APP: variants seen among roughly 807,000 people sequenced by gnomAD.
APP encodes amyloid beta precursor protein, also known as amyloid-beta precursor protein.
In APP, 31 loss-of-function variants were observed where a neutral mutation model predicts 101.4. That is an observed-to-expected ratio of 0.31 (90% confidence interval 0.23 to 0.41). APP has a LOEUF of 0.41. APP is among the 10% of genes least tolerant of loss of function. APP has a pLI of 1.00. For missense variants in APP, 839 were observed against 1,003.7 expected (o/e 0.84, Z 2.22); for synonymous variants, 366 against 364.4 (o/e 1.00, Z -0.05).
chr21:26,145,459 A>C (rs953230788), intron 1 of APP, among the ~76,000 whole-genome samples: 2 of 152,116 alleles, frequency 1.3e-5, no homozygotes, highest in African/African-American at 4.8e-5. Context: ...CTCCTGTGAG[A>C]ATCTACTGCC....
At chr21:26,100,151 T>A (rs1324881093) in intron 2 of APP, among the ~76,000 whole-genome samples, 2 of 152,332 alleles carry the variant, frequency 1.3e-5, no homozygotes, top group Admixed American at 1.3e-4. Context: ...TAGCCTAGAT[T>A]TTCCTATTCT....
intron 1 of APP, among the ~76,000 whole-genome samples, chr21:26,160,178 A>G (rs2063462110): frequency 6.6e-6 from 1 of 152,048 alleles, no homozygotes; most frequent in African/African-American, 2.4e-5. Flanking sequence ...CCCCTCTCCT[A>G]TTTCACTGAA....
chr21:26,097,294 C>A (rs1174419441), intron 2 of APP, among the ~76,000 whole-genome samples: 3 of 152,146 alleles, frequency 2.0e-5, no homozygotes, highest in Non-Finnish European at 4.4e-5. Flanking sequence ...AATATATAAT[C>A]CTTGAAGGCA....
rs1358828168 is a variant in APP at position 25,954,642 on chromosome 21, G to C, written c.1635C>G (p.Leu545=). 1 of 1,614,162 alleles carries C rather than the reference G, an allele frequency of 6.2e-7. No homozygotes were observed. Among genetic ancestry groups the C allele is most frequent in the Non-Finnish European group, 8.5e-7 (1 of 1,180,018 alleles). The change falls in exon 13 of 18, where the codon CTC becomes CTG. Residue 545 remains leucine (L), a synonymous_variant. Transcript: ENST00000346798. ...CTGCAGGCACGTTGTAGAGCAGGGA[G>C]AGAGACTGATTCATGCGCTCATAAA... ...RVIYERMNQS[L]SLLYNVPAVA...
chr21:26,147,792 C>G (rs571005173), intron 1 of APP, among the ~76,000 whole-genome samples: 1 of 150,662 alleles, frequency 6.6e-6, no homozygotes, highest in East Asian at 2.0e-4. Context: ...TTACACACAC[C>G]GGGCTAATCA....
At chr21:26,108,176 A>G (rs2062226835) in intron 2 of APP, among the ~76,000 whole-genome samples, 1 of 152,206 alleles carries the variant, frequency 6.6e-6, no homozygotes, top group Admixed American at 6.5e-5. Flanking sequence ...TGCCTATGGA[A>G]CCTCAATTTC....
At chr21:26,153,326 A>G (rs943582805) in intron 1 of APP, among the ~76,000 whole-genome samples, 2 of 152,238 alleles carry the variant, frequency 1.3e-5, no homozygotes, top group African/African-American at 2.4e-5. Flanking sequence ...TTTAAGCCCT[A>G]AACTTCAGTT....
chr21:25,969,040 A>G (rs1322083658), intron 11 of APP, among the ~76,000 whole-genome samples: 2 of 152,068 alleles, frequency 1.3e-5, no homozygotes, highest in Non-Finnish European at 2.9e-5. Context: ...TGTCTTCAAG[A>G]GGAAGGTATA....
At chr21:26,147,530 A>G (rs980384290) in intron 1 of APP, among the ~76,000 whole-genome samples, 11 of 152,316 alleles carry the variant, frequency 7.2e-5, no homozygotes, top group African/African-American at 2.4e-4. Flanking sequence ...TTTTAAATAT[A>G]ATACACTAAT....
At chr21:26,147,836 A>G (rs968581445) in intron 1 of APP, among the ~76,000 whole-genome samples, 2 of 152,096 alleles carry the variant, frequency 1.3e-5, no homozygotes, top group East Asian at 3.9e-4. Flanking sequence ...GTCTCTTGGA[A>G]GGACTGAAAA....
Position 25,898,698 on chromosome 21 carries a change from T to C in APP, c.1964-1025A>G, listed in dbSNP as rs138727253. 7.8e-3 allele frequency among the ~76,000 whole-genome samples: 1,185 copies of C among 152,314 alleles called. 42 individuals carry two copies. The highest frequency in any genetic ancestry group is 0.047 in the Admixed American group (715 of 15,292). ...TGTAACTTCCATCCTTTGAGCCTGATTCAACACAGAGCAAGCCTAATCCTC... is the reference window on the plus strand; with the variant it reads ...TGTAACTTCCATCCTTTGAGCCTGACTCAACACAGAGCAAGCCTAATCCTC... On this transcript the variant is annotated intron_variant, in intron 15 of 17. Coordinates refer to ENST00000346798, the MANE Select transcript of APP (RefSeq NM_000484.4).
intron 1 of APP, among the ~76,000 whole-genome samples, chr21:26,120,286 T>C (rs529660043): frequency 2.2e-4 from 34 of 152,182 alleles, no homozygotes; most frequent in Non-Finnish European, 4.3e-4. Context: ...TGCCTTTTTT[T>C]AGGCAGCTGG....
chr21:25,911,741 C>T lies in APP; in HGVS notation c.1909G>A (p.Val637Ile), dbSNP rs1458137100. 6.2e-7 allele frequency: 1 copy of T among 1,614,012 alleles called. No homozygotes were observed. The highest frequency in any genetic ancestry group is 1.1e-5 in the South Asian group (1 of 91,044). Residue 637 changes from valine (V) to isoleucine (I), a missense_variant and splice_region_variant, in exon 14 of 18, where the codon GTT becomes ATT. Coordinates refer to ENST00000346798, the MANE Select transcript of APP (RefSeq NM_000484.4). ...CCTTGCTGGCTCAGGGGACTCTTAC[C>T]TTCGTTTTCTGTGTTGGCTGGCACA... Reference protein sequence around the residue: ...DSVPANTENEVEPVDARPAAD... With the variant: ...DSVPANTENEIEPVDARPAAD...
intron 3 of APP, among the ~76,000 whole-genome samples, chr21:26,060,540 G>A (rs188825051): frequency 6.6e-5 from 10 of 152,302 alleles, no homozygotes; most frequent in Admixed American, 1.3e-4. Context: ...TGATCCTAGC[G>A]GGGAAGCGAT....
At chr21:26,115,769 G>A (rs1413382364) in intron 1 of APP, among the ~76,000 whole-genome samples, 1 of 152,042 alleles carries the variant, frequency 6.6e-6, no homozygotes, top group Non-Finnish European at 1.5e-5. Context: ...GGTATTTGCT[G>A]CCAGTAAAAA....
At chr21:25,909,005 T>G (rs946279953) in intron 14 of APP, among the ~76,000 whole-genome samples, 7 of 152,174 alleles carry the variant, frequency 4.6e-5, no homozygotes, top group Non-Finnish European at 7.3e-5. Context: ...GGCTCATGCC[T>G]GTAATCCCAG....
At chr21:26,015,456 TAC>T (rs1568858590) in intron 6 of APP, among the ~76,000 whole-genome samples, 1 of 152,212 alleles carries the variant, frequency 6.6e-6, no homozygotes, top group East Asian at 1.9e-4. Context: ...TATACAAATT[TAC>T]ACAGTTAGTA....
chr21:25,975,071 CGAG>C lies in APP; in HGVS notation c.1454_1456del (p.Pro485del). 6.2e-7 allele frequency: 1 copy of C among 1,614,038 alleles called. No individual in the cohort carries two copies. Among genetic ancestry groups the C allele is most frequent in the Non-Finnish European group, 8.5e-7 (1 of 1,180,024 alleles). On this transcript the variant is annotated inframe_deletion and splice_region_variant, in exon 11 of 18. Coordinates refer to ENST00000346798, the MANE Select transcript of APP (RefSeq NM_000484.4). The stretch of plus-strand genomic sequence containing the variant: ...GAACTCGGCTGCAGCGAGACCTACC[CGAG>C]GAGGAACAGCCTGCAGAGCGGTGAT...
chr21:26,022,183 C>A (rs1448582016), intron 5 of APP, 141 bp from the exon 6 acceptor site: 6 of 1,056,484 alleles, frequency 5.7e-6, no homozygotes, highest in African/African-American at 1.6e-5. Context: ...AAGTATAAAT[C>A]CCAGCTCAGT....
Sources: allele counts gnomAD v4.1 joint callset (sites outside exome capture counted in the v4.1 genomes callset), GRCh38; gene constraint gnomAD v4.1.1; transcripts MANE v1.5; gene names NCBI Gene and HGNC (gene_info 2026-07-23, HGNC 2026-07-21).